SLC10A7: variants seen among roughly 807,000 people sequenced by gnomAD.
SLC10A7 encodes the protein solute carrier family 10 member 7.
A neutral mutation model predicts 43.2 loss-of-function variants in SLC10A7; 29 were observed. The ratio of observed to expected loss-of-function variants is 0.67; its 90% confidence interval spans 0.50 to 0.92. SLC10A7 has a LOEUF of 0.92. Ranked by LOEUF, SLC10A7 falls within the 40% of genes least tolerant of loss-of-function variation. The pLI is 0.00. For synonymous variants in SLC10A7, 152 were observed against 144.8 expected (o/e 1.05, Z -0.35); for missense variants, 295 against 403.2 (o/e 0.73, Z 2.30).
intron 5 of SLC10A7, among the ~76,000 whole-genome samples, chr4:146,371,323 C>T (rs1214169143): frequency 5.3e-5 from 8 of 152,188 alleles, no homozygotes; most frequent in Admixed American, 3.9e-4. Flanking sequence ...GGCGCCTGCC[C>T]TTGTTAGATG....
chr4:146,518,281 C>T (rs1738206014), intron 1 of SLC10A7, among the ~76,000 whole-genome samples: 3 of 152,118 alleles, frequency 2.0e-5, no homozygotes, highest in East Asian at 1.9e-4. Context: ...AAATCTTACC[C>T]TCCATGGACA....
In SLC10A7 at chr4:146,294,006, G is replaced by A; in HGVS notation, c.645C>T (p.Tyr215=). Residue 215 remains tyrosine (Y), a synonymous_variant, in exon 8 of 12, where the codon TAC becomes TAT. Transcript: ENST00000335472. The part of the protein sequence containing the change: ...ISSSVLLMII[Y]TTFCDTFSNP... ...TAGAGAACGTGTCACAGAATGTTGT[G>A]TAGATGATCATGAGGAGTACACTGC... 1.2e-6 allele frequency: 2 copies of A among 1,613,462 alleles called. No individual in the cohort carries two copies. Among genetic ancestry groups the A allele is most frequent in the Non-Finnish European group, 1.7e-6 (2 of 1,179,506 alleles).
intron 4 of SLC10A7, among the ~76,000 whole-genome samples, chr4:146,467,209 C>T (rs1733107364): frequency 6.6e-6 from 1 of 152,110 alleles, no homozygotes; most frequent in Non-Finnish European, 1.5e-5. Context: ...TGTTTGTATA[C>T]TTACCAGATT....
intron 10 of SLC10A7, 81 bp from the exon 11 acceptor site, chr4:146,258,918 C>G (rs1728046877): frequency 6.9e-7 from 1 of 1,456,514 alleles, no homozygotes; most frequent in Non-Finnish European, 9.3e-7. Flanking sequence ...AAAATCAGAA[C>G]TTTGGAATAG....
intron 5 of SLC10A7, among the ~76,000 whole-genome samples, chr4:146,425,521 T>C (rs1053290976): frequency 2.6e-5 from 4 of 152,210 alleles, no homozygotes; most frequent in Non-Finnish European, 5.9e-5. Context: ...ACATGTGGCT[T>C]GTGGACACCA....
chr4:146,405,799 C>T (rs1044856457), intron 5 of SLC10A7, among the ~76,000 whole-genome samples: 2 of 151,710 alleles, frequency 1.3e-5, no homozygotes, highest in Non-Finnish European at 2.9e-5. Context: ...GCTATATAAT[C>T]TTGGAGGCAG....
chr4:146,367,166 C>T (rs1033782372), intron 5 of SLC10A7, among the ~76,000 whole-genome samples: 3 of 152,048 alleles, frequency 2.0e-5, no homozygotes, highest in Non-Finnish European at 2.9e-5. Context: ...CACATTAGTT[C>T]TTCTAACACA....
At chr4:146,350,291 G>A (rs1030125133) in intron 5 of SLC10A7, among the ~76,000 whole-genome samples, 2 of 151,622 alleles carry the variant, frequency 1.3e-5, no homozygotes, top group Non-Finnish European at 2.9e-5. Context: ...GGAAAATCGG[G>A]TCACTCCCAC....
At chr4:146,269,010 G>A (rs1401226035) in intron 10 of SLC10A7, among the ~76,000 whole-genome samples, 2 of 152,124 alleles carry the variant, frequency 1.3e-5, no homozygotes, top group East Asian at 1.9e-4. Flanking sequence ...TTTGAATAAA[G>A]GTTGGTTGAT....
intron 2 of SLC10A7, among the ~76,000 whole-genome samples, chr4:146,510,374 A>C (rs1233106696): frequency 1.3e-5 from 2 of 151,304 alleles, no homozygotes. Context: ...ATTCTCCTGC[A>C]TCAGCCTCCT....
At chr4:146,350,975 C>G (rs1280783301) in intron 5 of SLC10A7, among the ~76,000 whole-genome samples, 2 of 149,884 alleles carry the variant, frequency 1.3e-5, no homozygotes, top group African/African-American at 5.0e-5. Context: ...CGCAGAGCGC[C>G]TCTCCTCCTT....
chr4:146,282,814 A>T (rs1729632852), intron 10 of SLC10A7, among the ~76,000 whole-genome samples: 1 of 152,170 alleles, frequency 6.6e-6, no homozygotes, highest in East Asian at 1.9e-4. Context: ...GCTGGAAAAT[A>T]AGTTAATCTT....
At chr4:146,499,026 A>C (rs1736171444) in intron 4 of SLC10A7, among the ~76,000 whole-genome samples, 1 of 152,222 alleles carries the variant, frequency 6.6e-6, no homozygotes, top group Non-Finnish European at 1.5e-5. Context: ...ACAACTGCAT[A>C]CATCCCCAAA....
At position 146,255,471 on chromosome 4, in the gene SLC10A7, T is replaced by G. The variant is rs1469919046; in HGVS notation, c.*1020A>C. 1 of 152,650 alleles carries G rather than the reference T, an allele frequency of 6.6e-6. No homozygotes were observed. Among genetic ancestry groups the G allele is most frequent in the Non-Finnish European group, 1.5e-5 (1 of 68,036 alleles). 9.5% of individuals were successfully genotyped at this position (152,650 alleles called of 1,614,324 possible). On this transcript the variant is annotated 3_prime_UTR_variant, in exon 12 of 12. Transcript: ENST00000335472. Reference sequence around the variant, plus strand: ...AACTTCTAAAAAAATATTGCCAACATTTGTCAAATCTGCCAAGGAAATTTT... The same window carrying G: ...AACTTCTAAAAAAATATTGCCAACAGTTGTCAAATCTGCCAAGGAAATTTT...
intron 4 of SLC10A7, among the ~76,000 whole-genome samples, chr4:146,452,255 T>C (rs1200536737): frequency 6.6e-6 from 1 of 152,098 alleles, no homozygotes. Context: ...GCCACAATTG[T>C]TGGAGGTCAA....
At chr4:146,285,738 G>C (rs1441155708) in intron 9 of SLC10A7, among the ~76,000 whole-genome samples, 1 of 152,232 alleles carries the variant, frequency 6.6e-6, no homozygotes, top group Non-Finnish European at 1.5e-5. Context: ...AGTTGATGCT[G>C]ATGTATGCTA....
intron 10 of SLC10A7, 35 bp from the exon 11 acceptor site, chr4:146,258,872 A>G (rs1289438269): frequency 6.3e-7 from 1 of 1,590,886 alleles, no homozygotes; most frequent in Admixed American, 1.9e-5. Context: ...CCTAAACCAA[A>G]TTCAGTCTGT....
intron 6 of SLC10A7, among the ~76,000 whole-genome samples, chr4:146,324,566 GCACTTAC>G (rs60922453): frequency 0.018 from 2,768 of 152,174 alleles, 81 homozygotes; most frequent in African/African-American, 0.064. Flanking sequence ...CATTCATTGT[GCACTTAC>G]CAGATGCTGA....
intron 2 of SLC10A7, among the ~76,000 whole-genome samples, chr4:146,516,272 TA>T (rs1737950638): frequency 6.6e-6 from 1 of 151,876 alleles, no homozygotes; most frequent in Non-Finnish European, 1.5e-5. Flanking sequence ...AAGAGAATCA[TA>T]AATTCTACTC....
Sources: allele counts gnomAD v4.1 joint callset (sites outside exome capture counted in the v4.1 genomes callset), GRCh38; gene constraint gnomAD v4.1.1; transcripts MANE v1.5; gene names NCBI Gene and HGNC (gene_info 2026-07-23, HGNC 2026-07-21).